Variants in SMG6 observed in about 807,000 individuals in gnomAD.
SMG6 encodes SMG6 nonsense mediated mRNA decay factor.
SMG6 carries 66 observed loss-of-function variants against 142.2 expected under a neutral mutation model. That is an observed-to-expected ratio of 0.46 (90% CI 0.38 to 0.57). SMG6 has a LOEUF of 0.57. Ranked by LOEUF, SMG6 falls within the 20% of genes least tolerant of loss-of-function variation. SMG6 has a pLI of 0.00. For missense variants in SMG6, 1,793 were observed against 1,832.0 expected (o/e 0.98, Z 0.39); for synonymous variants, 779 against 702.4 (o/e 1.11, Z -1.72).
At chr17:2,280,967 G>C (rs1385644102) in intron 8 of SMG6, among the ~76,000 whole-genome samples, 1 of 152,192 alleles carries the variant, frequency 6.6e-6, no homozygotes, top group Admixed American at 6.5e-5. Context: ...AGCAACTCAG[G>C]AGGCTGAGGC....
intron 8 of SMG6, among the ~76,000 whole-genome samples, chr17:2,245,338 T>A (rs185515472): frequency 1.3e-5 from 2 of 152,228 alleles, no homozygotes; most frequent in Admixed American, 6.5e-5. Context: ...ACTCCAGTTT[T>A]GGCCAAATCC....
chr17:2,115,124 C>G (rs2151503640), intron 13 of SMG6, among the ~76,000 whole-genome samples: 1 of 151,956 alleles, frequency 6.6e-6, no homozygotes, highest in African/African-American at 2.4e-5. Context: ...AAGGAAGACA[C>G]AGCTGAGGAG....
At chr17:2,266,189 T>C (rs1463949930) in intron 8 of SMG6, 1 of 985,212 alleles carries the variant, frequency 1.0e-6, no homozygotes, top group Admixed American at 6.2e-5. Context: ...TTCTGACGGG[T>C]ATCTGGGTCC....
chr17:2,188,938 A>T (rs2072076291), intron 10 of SMG6, among the ~76,000 whole-genome samples: 1 of 152,184 alleles, frequency 6.6e-6, no homozygotes, highest in African/African-American at 2.4e-5. Context: ...TTTAAAAATG[A>T]TCTTCTGTCT....
Position 2,085,875 on chromosome 17 carries a change from G to C in SMG6, c.3384C>G (p.Val1128=). ...DKVIAADCKR[V]TVLKYFLEAL... ...CTTCCAGAAAATACTTCAGCACTGT[G>C]ACCCTTTTGCAGTCAGCTGCAATAA... Residue 1128 remains valine (V), a synonymous_variant, in exon 14 of 19, where the codon GTC becomes GTG. Transcript: ENST00000263073. This position sits in a 1 kb window ranked among gnomAD's most constrained non-coding sequence, Gnocchi z 4.1. 6.2e-7 allele frequency: 1 copy of C among 1,614,168 alleles called. No homozygotes were observed. Among genetic ancestry groups the C allele is most frequent in the Non-Finnish European group, 8.5e-7 (1 of 1,180,018 alleles).
chr17:2,264,066 A>G (rs1216576431), intron 8 of SMG6, among the ~76,000 whole-genome samples: 1 of 139,716 alleles, frequency 7.2e-6, no homozygotes, highest in Non-Finnish European at 1.7e-5. Context: ...TACTATATAA[A>G]GTGAGCTGCT....
At chr17:2,111,705 G>A (rs574801785) in intron 13 of SMG6, among the ~76,000 whole-genome samples, 14 of 152,228 alleles carry the variant, frequency 9.2e-5, no homozygotes, top group Middle Eastern at 3.4e-3. Context: ...TGCCTGGCCC[G>A]AAAGGTCCTT....
chr17:2,063,180 G>A (rs978446136), intron 18 of SMG6: 6 of 152,354 alleles, frequency 3.9e-5, no homozygotes, highest in Admixed American at 2.6e-4. Context: ...TTGCTGGCAG[G>A]GGTCTGCAGG....
intron 13 of SMG6, among the ~76,000 whole-genome samples, chr17:2,107,005 G>A (rs949959044): frequency 3.3e-5 from 5 of 152,130 alleles, no homozygotes; most frequent in Non-Finnish European, 4.4e-5. Flanking sequence ...TGTATTTTTA[G>A]TAGAGACGTT....
At chr17:2,152,673 C>A (rs1370817835) in intron 13 of SMG6, among the ~76,000 whole-genome samples, 1 of 152,234 alleles carries the variant, frequency 6.6e-6, no homozygotes, top group East Asian at 1.9e-4. Flanking sequence ...AAAAAACAAA[C>A]AAACTGACAG....
intron 13 of SMG6, among the ~76,000 whole-genome samples, chr17:2,117,094 T>A (rs900561005): frequency 7.2e-6 from 1 of 138,306 alleles, no homozygotes; most frequent in Non-Finnish European, 1.5e-5. Flanking sequence ...GTATGGCTTT[T>A]AAATTTTTTT....
In SMG6 at chr17:2,121,583, C is replaced by CTGTG. The variant is rs1173330822; in HGVS notation, c.3358-35683_3358-35682insCACA. On this transcript the variant is annotated intron_variant, in intron 13 of 18. Coordinates refer to ENST00000263073, the MANE Select transcript of SMG6 (RefSeq NM_017575.5). ...CACATATATGTATATATGTACATGTCTGTCTGTGTGTGTGTGTGTGTGTGT... is the reference window on the plus strand; with the variant it reads ...CACATATATGTATATATGTACATGTCTGTGTGTCTGTGTGTGTGTGTGTGTGTGT... Among the ~76,000 whole-genome samples, 30 of 118,292 alleles carry CTGTG rather than the reference C, an allele frequency of 2.5e-4. 2 individuals carry two copies. The highest frequency in any genetic ancestry group is 2.0e-3 in the South Asian group (7 of 3,438). 77.6% of individuals were successfully genotyped at this position (118,292 alleles called of 152,430 possible). A position where few individuals can be genotyped will look rare whatever the true frequency, so the allele number is the denominator to read the frequency against.
chr17:2,137,909 T>C (rs1462483986), intron 13 of SMG6, among the ~76,000 whole-genome samples: 1 of 152,202 alleles, frequency 6.6e-6, no homozygotes, highest in Non-Finnish European at 1.5e-5. Flanking sequence ...GTCATTCAGC[T>C]AGGCCTCACT....
intron 12 of SMG6, among the ~76,000 whole-genome samples, chr17:2,184,463 G>A (rs1237426547): frequency 6.6e-6 from 1 of 151,666 alleles, no homozygotes; most frequent in East Asian, 1.9e-4. Context: ...TTTGAGACCA[G>A]CCTGGCCAAC....
chr17:2,105,281 C>A (rs2069125121), intron 13 of SMG6, among the ~76,000 whole-genome samples: 1 of 150,136 alleles, frequency 6.7e-6, no homozygotes, highest in Non-Finnish European at 1.5e-5. Context: ...CGTGGTGGCT[C>A]ACACCTGTAA....
intron 8 of SMG6, among the ~76,000 whole-genome samples, chr17:2,279,933 T>G (rs139734597): frequency 2.0e-4 from 30 of 152,302 alleles, no homozygotes; most frequent in South Asian, 8.3e-4. Flanking sequence ...GATTAGGTGT[T>G]CCAACTGCAT....
chr17:2,231,501 G>T (rs898768994), intron 10 of SMG6, among the ~76,000 whole-genome samples: 1 of 152,146 alleles, frequency 6.6e-6, no homozygotes, highest in Non-Finnish European at 1.5e-5. Context: ...TTCGAGACCA[G>T]CCTGGCCAAC....
intron 8 of SMG6, among the ~76,000 whole-genome samples, chr17:2,264,123 T>C (rs2151339726): frequency 6.6e-6 from 1 of 152,110 alleles, no homozygotes; most frequent in South Asian, 2.1e-4. Context: ...CAGCTGCAGA[T>C]TGAACAAGGA....
At chr17:2,135,866 G>A (rs966991856) in intron 13 of SMG6, among the ~76,000 whole-genome samples, 6 of 151,750 alleles carry the variant, frequency 4.0e-5, no homozygotes, top group African/African-American at 1.2e-4. Context: ...CTTAAATTTT[G>A]TGTAGAGATG....
Sources: gnomAD v4.1 joint callset for allele counts (sites outside exome capture counted in the v4.1 genomes callset) on GRCh38, gnomAD v4.1.1 for gene constraint, Gnocchi (gnomAD v3.1) non-coding constraint, MANE v1.5 for transcripts, NCBI Gene and HGNC (gene_info 2026-07-23, HGNC 2026-07-21) for gene names.